The following CNTNAP2 variants were observed in gnomAD, a reference collection of about 807,000 sequenced individuals.
CNTNAP2 encodes contactin-associated protein-like 2.
In CNTNAP2, 98 loss-of-function variants were observed where a neutral mutation model predicts 155.2. That is an observed-to-expected ratio of 0.63 (90% confidence interval 0.54 to 0.75). The LOEUF (loss-of-function observed/expected upper bound fraction) is 0.75. CNTNAP2 is among the 30% of genes least tolerant of loss of function. The pLI is 0.00. For missense variants in CNTNAP2, 1,727 were observed against 1,688.1 expected (o/e 1.02, Z -0.40); for synonymous variants, 651 against 631.2 (o/e 1.03, Z -0.47).
At chr7:146,530,411 A>G (rs56667036) in intron 1 of CNTNAP2, among the ~76,000 whole-genome samples, 4,247 of 152,080 alleles carry the variant, frequency 0.028, 204 homozygotes, top group African/African-American at 0.097. Flanking sequence ...TCTTTTATTC[A>G]GGGGAAAAAA....
At chr7:147,028,336 A>G (rs1798961764) in intron 3 of CNTNAP2, among the ~76,000 whole-genome samples, 1 of 152,238 alleles carries the variant, frequency 6.6e-6, no homozygotes, top group African/African-American at 2.4e-5. Flanking sequence ...GGAGGTCAAT[A>G]CAAAATAATG....
At chr7:147,641,413 G>A (rs1189864455) in intron 13 of CNTNAP2, among the ~76,000 whole-genome samples, 1 of 152,138 alleles carries the variant, frequency 6.6e-6, no homozygotes, top group Admixed American at 6.5e-5. Context: ...CAGAGGGCCA[G>A]TACTTCTCAG....
chr7:146,438,284 CT>C (rs10585690), intron 1 of CNTNAP2, among the ~76,000 whole-genome samples: 16,467 of 145,924 alleles, frequency 0.11, 1,220 homozygotes, highest in Middle Eastern at 0.16. Flanking sequence ...TCCATAGAAG[CT>C]TTTTTTTTTT....
intron 1 of CNTNAP2, among the ~76,000 whole-genome samples, chr7:146,264,044 G>T (rs1228858049): frequency 6.6e-6 from 1 of 152,072 alleles, no homozygotes; most frequent in African/African-American, 2.4e-5. Context: ...ATTCTCCTTC[G>T]CAGGGTCAGA....
At chr7:146,155,733 C>G (rs550976607) in intron 1 of CNTNAP2, among the ~76,000 whole-genome samples, 70 of 151,302 alleles carry the variant, frequency 4.6e-4, no homozygotes, top group Non-Finnish European at 8.4e-4. Flanking sequence ...GAGTCTCGCT[C>G]TTGTCGCCCA....
intron 3 of CNTNAP2, among the ~76,000 whole-genome samples, chr7:147,007,445 T>C (rs1320100013): frequency 1.3e-5 from 2 of 152,098 alleles, no homozygotes; most frequent in Non-Finnish European, 2.9e-5. Flanking sequence ...CTTTTCTTCA[T>C]ACAAATAAAT....
At chr7:146,663,475 A>G (rs1254720184) in intron 1 of CNTNAP2, among the ~76,000 whole-genome samples, 1 of 151,766 alleles carries the variant, frequency 6.6e-6, no homozygotes, top group Non-Finnish European at 1.5e-5. Flanking sequence ...AGTTTGGAGG[A>G]TAATTGACAA....
At chr7:147,344,418 A>C (rs1404419549) in intron 9 of CNTNAP2, among the ~76,000 whole-genome samples, 1 of 141,616 alleles carries the variant, frequency 7.1e-6, no homozygotes, top group Non-Finnish European at 1.6e-5. Flanking sequence ...CAGAGGTAAC[A>C]CTAGGAAAAA....
chr7:146,123,009 A>C (rs990080801), intron 1 of CNTNAP2, among the ~76,000 whole-genome samples: 1 of 152,162 alleles, frequency 6.6e-6, no homozygotes, highest in African/African-American at 2.4e-5. Context: ...TCTTTAGTTC[A>C]CTTTGGAGGT....
At chr7:146,577,151 A>G (rs1392908753) in intron 1 of CNTNAP2, among the ~76,000 whole-genome samples, 4 of 152,090 alleles carry the variant, frequency 2.6e-5, no homozygotes, top group Non-Finnish European at 5.9e-5. Flanking sequence ...AAGACTATGG[A>G]AGGAATTTAG....
intron 1 of CNTNAP2, among the ~76,000 whole-genome samples, chr7:146,419,166 A>C (rs1157555402): frequency 6.6e-6 from 1 of 152,140 alleles, no homozygotes; most frequent in African/African-American, 2.4e-5. Flanking sequence ...TAGAAGGTGA[A>C]AGTCACATCT....
chr7:147,998,932 G>A (rs1197616691), intron 15 of CNTNAP2, among the ~76,000 whole-genome samples: 1 of 152,134 alleles, frequency 6.6e-6, no homozygotes, highest in Non-Finnish European at 1.5e-5. Flanking sequence ...GTGCTTAGTT[G>A]CAGAGATCTA....
At chr7:146,721,079 A>G (rs1332449369) in intron 1 of CNTNAP2, among the ~76,000 whole-genome samples, 1 of 134,680 alleles carries the variant, frequency 7.4e-6, no homozygotes, top group African/African-American at 2.7e-5. Flanking sequence ...TATACTCTAT[A>G]TATATACTGT....
intron 1 of CNTNAP2, among the ~76,000 whole-genome samples, chr7:146,735,844 T>G (rs1801609594): frequency 6.6e-6 from 1 of 152,080 alleles, no homozygotes; most frequent in Non-Finnish European, 1.5e-5. Context: ...TATAGCACGT[T>G]AGGGTGACTG....
chr7:148,025,480 A>T (rs910027744), intron 15 of CNTNAP2, among the ~76,000 whole-genome samples: 2 of 152,124 alleles, frequency 1.3e-5, no homozygotes, highest in African/African-American at 4.8e-5. Flanking sequence ...ACTATCTCTC[A>T]TCCTTCTCTT....
At chr7:146,678,315 C>T (rs1275639912) in intron 1 of CNTNAP2, among the ~76,000 whole-genome samples, 1 of 152,062 alleles carries the variant, frequency 6.6e-6, no homozygotes, top group Non-Finnish European at 1.5e-5. Context: ...CTCAAGTGAT[C>T]CACCAACCTC....
intron 12 of CNTNAP2, among the ~76,000 whole-genome samples, chr7:147,570,456 T>C (rs988843250): frequency 6.6e-6 from 1 of 152,202 alleles, no homozygotes; most frequent in Admixed American, 6.5e-5. Context: ...TTGTAACATA[T>C]TGTTCTGTAA....
chr7:147,267,654 C>A (rs1804644368), intron 8 of CNTNAP2, among the ~76,000 whole-genome samples: 1 of 148,782 alleles, frequency 6.7e-6, no homozygotes, highest in Admixed American at 6.7e-5. Context: ...CCCATCAGAC[C>A]CCTAGCACTG....
chr7:147,739,172 T>C (rs1226864788), intron 13 of CNTNAP2, among the ~76,000 whole-genome samples: 1 of 150,928 alleles, frequency 6.6e-6, no homozygotes, highest in African/African-American at 2.4e-5. Flanking sequence ...AATAGGAGAA[T>C]ACTATTTATC....
Sources: gnomAD v4.1 joint callset for allele counts (sites outside exome capture counted in the v4.1 genomes callset) on GRCh38, gnomAD v4.1.1 for gene constraint, MANE v1.5 for transcripts, NCBI Gene and HGNC (gene_info 2026-07-23, HGNC 2026-07-21) for gene names.